MAP4K3: variants seen among roughly 807,000 people sequenced by gnomAD.
MAP4K3 encodes mitogen-activated protein kinase kinase kinase kinase 3.
MAP4K3 carries 94 observed loss-of-function variants against 143.5 expected under a neutral mutation model. The ratio of observed to expected loss-of-function variants is 0.65; its 90% CI spans 0.55 to 0.78. The LOEUF is 0.78. Ranked by LOEUF, MAP4K3 falls within the 30% of genes least tolerant of loss-of-function variation. The pLI, the probability that MAP4K3 is intolerant of heterozygous loss-of-function variation, is 0.00. For synonymous variants in MAP4K3, 416 were observed against 347.2 expected, an observed-to-expected ratio of 1.20 and a Z score of -2.20; for missense variants, 1,077 against 1,068.1, an observed-to-expected ratio of 1.01 and a Z score of -0.12.
At chr2:39,277,449 T>C (rs1681314794) in intron 24 of MAP4K3, among the ~76,000 whole-genome samples, 1 of 152,224 alleles carries the variant, frequency 6.6e-6, no homozygotes, top group African/African-American at 2.4e-5. Context: ...CATCTAATCC[T>C]GAGTGCTGTA....
At chr2:39,251,151 C>A (rs536147245) in intron 33 of MAP4K3, among the ~76,000 whole-genome samples, 2 of 152,108 alleles carry the variant, frequency 1.3e-5, no homozygotes, top group South Asian at 2.1e-4. Context: ...TTGTAGTGGC[C>A]GTGTGCCCTG....
chr2:39,398,858 C>G (rs1162117966), intron 1 of MAP4K3, among the ~76,000 whole-genome samples: 1 of 151,172 alleles, frequency 6.6e-6, no homozygotes, highest in Non-Finnish European at 1.5e-5. Flanking sequence ...GCCTGGCCAA[C>G]ATGGCGAAAC....
chr2:39,315,999 A>G (rs1683102485), intron 12 of MAP4K3, among the ~76,000 whole-genome samples: 1 of 152,154 alleles, frequency 6.6e-6, no homozygotes, highest in East Asian at 1.9e-4. Flanking sequence ...GAAAAATTAT[A>G]TAACTTATGC....
chr2:39,365,450 T>C (rs1475774612), intron 2 of MAP4K3, among the ~76,000 whole-genome samples: 5 of 145,460 alleles, frequency 3.4e-5, no homozygotes, highest in Non-Finnish European at 4.5e-5. Context: ...TTTTTTTTTT[T>C]TTTTTGAGAC....
chr2:39,351,856 G>A (rs1665469438), intron 3 of MAP4K3, among the ~76,000 whole-genome samples: 1 of 152,090 alleles, frequency 6.6e-6, no homozygotes, highest in Non-Finnish European at 1.5e-5. Context: ...TTTTAATAGA[G>A]ATGGGAGTTT....
Position 39,265,999 on chromosome 2 carries a change from A to G in MAP4K3, c.2033-693T>C, listed in dbSNP as rs530241167. On this transcript the variant is annotated intron_variant, in intron 27 of 33. Coordinates refer to ENST00000263881, the MANE Select transcript of MAP4K3 (RefSeq NM_003618.4). ...ACAGCAGTAAAGTTCACACACTTCA[A>G]ATAGATTTGAAATATTTAAATGGCA... 3.3e-5 allele frequency among the ~76,000 whole-genome samples: 5 copies of G among 152,348 alleles called. No individual in the cohort carries two copies. In the East Asian group the frequency reaches 9.6e-4, roughly 29 times the overall value.
intron 2 of MAP4K3, among the ~76,000 whole-genome samples, chr2:39,367,205 G>T (rs528491406): frequency 6.6e-6 from 1 of 152,210 alleles, no homozygotes; most frequent in African/African-American, 2.4e-5. Flanking sequence ...TTGAACTTGG[G>T]TTCCACAAAG....
intron 1 of MAP4K3, among the ~76,000 whole-genome samples, chr2:39,402,251 T>A (rs2148608597): frequency 6.6e-6 from 1 of 152,328 alleles, no homozygotes; most frequent in Non-Finnish European, 1.5e-5. Flanking sequence ...GTCTTTTCTC[T>A]GTCTGGAAAA....
chr2:39,353,841 C>T lies in MAP4K3; in HGVS notation c.245+2408G>A, dbSNP rs181634319. 5.6e-4 allele frequency among the ~76,000 whole-genome samples: 85 copies of T among 152,208 alleles called. 2 individuals carry two copies. The highest frequency in any genetic ancestry group is 2.0e-3 in the African/African-American group (81 of 41,514). Reference sequence around the variant, plus strand: ...TAAGCACTGTTCTTAGTATTTCACACGTAGTTACCCAGGAAGTACTCACAC... The same window carrying T: ...TAAGCACTGTTCTTAGTATTTCACATGTAGTTACCCAGGAAGTACTCACAC... On this transcript the variant is annotated intron_variant, in intron 3 of 33. Coordinates refer to ENST00000263881, the MANE Select transcript of MAP4K3 (RefSeq NM_003618.4).
chr2:39,306,976 G>A (rs1377054966), intron 15 of MAP4K3, among the ~76,000 whole-genome samples: 2 of 152,230 alleles, frequency 1.3e-5, no homozygotes, highest in African/African-American at 4.8e-5. Context: ...GTTTGTATGT[G>A]TAAGTATATT....
At chr2:39,335,422 T>C (rs1187400999) in intron 6 of MAP4K3, among the ~76,000 whole-genome samples, 3 of 152,136 alleles carry the variant, frequency 2.0e-5, no homozygotes, top group Non-Finnish European at 4.4e-5. Context: ...TCAACCCAAT[T>C]AGGCCCAGAC....
chr2:39,286,813 A>C (rs887506768), intron 21 of MAP4K3, 39 bp downstream of exon 21: 9 of 1,350,804 alleles, frequency 6.7e-6, no homozygotes, highest in Middle Eastern at 2.4e-4. Flanking sequence ...GTTAAAAAGG[A>C]AACAAATACA....
At position 39,263,304 on chromosome 2, in the gene MAP4K3, G is replaced by A. The variant is rs994514995; in HGVS notation, c.2136+1899C>T. 1.0e-3 allele frequency among the ~76,000 whole-genome samples: 145 copies of A among 139,088 alleles called. 1 individual carries two copies. Among genetic ancestry groups the A allele is most frequent in the African/African-American group, 3.3e-3 (123 of 37,070 alleles). The allele number at this position is 139,088 out of a possible 152,430, so 91.2% of individuals were successfully genotyped here. The stretch of plus-strand genomic sequence containing the variant: ...TTTTTTTTTTTTGAGACGGAGTCTC[G>A]CTCTGTGGCCCAGGCGGGAGTGCAG... On this transcript the variant is annotated intron_variant, in intron 28 of 33. Transcript: ENST00000263881.
At chr2:39,283,150 T>C (rs1412435452) in intron 21 of MAP4K3, among the ~76,000 whole-genome samples, 1 of 152,182 alleles carries the variant, frequency 6.6e-6, no homozygotes. Context: ...GTGAGAAGTA[T>C]ACCGCAGTAT....
chr2:39,387,776 A>G (rs887700806), intron 1 of MAP4K3, among the ~76,000 whole-genome samples: 6 of 152,260 alleles, frequency 3.9e-5, no homozygotes, highest in Non-Finnish European at 5.9e-5. Flanking sequence ...AGTTCCGTGT[A>G]TCATGTATCT....
intron 2 of MAP4K3, among the ~76,000 whole-genome samples, chr2:39,366,780 T>G (rs1366112770): frequency 6.6e-6 from 1 of 152,210 alleles, no homozygotes; most frequent in Non-Finnish European, 1.5e-5. Flanking sequence ...AACACTATAT[T>G]AAATTATCAG....
chr2:39,425,873 T>C (rs1665055955), intron 1 of MAP4K3, among the ~76,000 whole-genome samples: 1 of 152,154 alleles, frequency 6.6e-6, no homozygotes, highest in African/African-American at 2.4e-5. Flanking sequence ...AACCAATACA[T>C]GTAGAAGAAA....
intron 16 of MAP4K3, among the ~76,000 whole-genome samples, chr2:39,297,092 C>A (rs138636608): frequency 0.018 from 2,685 of 151,790 alleles, 86 homozygotes; most frequent in African/African-American, 0.06. Context: ...TAAATTAAAA[C>A]AAAACATAAA....
chr2:39,384,309 G>A (rs1666434584), intron 1 of MAP4K3, among the ~76,000 whole-genome samples: 1 of 152,118 alleles, frequency 6.6e-6, no homozygotes, highest in South Asian at 2.1e-4. Context: ...ACTTTGGGAG[G>A]CCGAGGTAGG....
Sources: gnomAD v4.1 joint callset for allele counts (sites outside exome capture counted in the v4.1 genomes callset) on GRCh38, gnomAD v4.1.1 for gene constraint, MANE v1.5 for transcripts, NCBI Gene and HGNC (gene_info 2026-07-23, HGNC 2026-07-21) for gene names.